WDR37: variants seen among roughly 807,000 people sequenced by gnomAD.
WDR37 encodes the protein WD repeat-containing protein 37.
In WDR37, 19 loss-of-function variants were observed where a neutral mutation model predicts 62.9. The ratio of observed to expected loss-of-function variants is 0.30; its 90% CI spans 0.21 to 0.44. WDR37 has a LOEUF of 0.44. Among genes scored for constraint, WDR37 ranks in the 20% least tolerant of loss-of-function variants. The pLI, the probability that WDR37 is intolerant of heterozygous loss-of-function variation, is 1.00. For missense variants in WDR37, 474 were observed against 657.6 expected, an observed-to-expected ratio of 0.72 and a Z score of 3.05; for synonymous variants, 250 against 260.9, an observed-to-expected ratio of 0.96 and a Z score of 0.40.
intron 1 of WDR37, among the ~76,000 whole-genome samples, chr10:1,062,720 C>A (rs953061520): frequency 6.6e-6 from 1 of 152,174 alleles, no homozygotes; most frequent in Non-Finnish European, 1.5e-5. Context: ...TTTCTGCTTG[C>A]GGAAAGATGG....
intron 12 of WDR37, 82 bp from the exon 13 acceptor site, chr10:1,124,828 C>T (rs1835691637): frequency 6.5e-7 from 1 of 1,530,244 alleles, no homozygotes; most frequent in Admixed American, 1.9e-5. Flanking sequence ...TAATATGGAA[C>T]CTCCTGCTTC....
At chr10:1,095,136 T>G in intron 8 of WDR37, among the ~76,000 whole-genome samples, 1 of 137,448 alleles carries the variant, frequency 7.3e-6, no homozygotes, top group African/African-American at 2.8e-5. Flanking sequence ...GAGAGGAGGG[T>G]TAGACTGGGA....
intron 11 of WDR37, among the ~76,000 whole-genome samples, chr10:1,108,742 C>A (rs1044063357): frequency 7.6e-6 from 1 of 131,738 alleles, no homozygotes; most frequent in African/African-American, 3.0e-5. Context: ...CTGTGATGCC[C>A]CCCCCCCCCG....
At chr10:1,068,157 G>A (rs1833610560) in intron 1 of WDR37, among the ~76,000 whole-genome samples, 1 of 152,116 alleles carries the variant, frequency 6.6e-6, no homozygotes, top group South Asian at 2.1e-4. Flanking sequence ...TTCAGTGTTT[G>A]ACAGCAGAGT....
chr10:1,085,905 G>C (rs945647983), intron 6 of WDR37, among the ~76,000 whole-genome samples: 1 of 152,204 alleles, frequency 6.6e-6, no homozygotes, highest in Non-Finnish European at 1.5e-5. Context: ...AGTTGTAACT[G>C]GATTTGGATG....
intron 12 of WDR37, 116 bp from the exon 13 acceptor site, chr10:1,124,794 A>G: frequency 7.5e-7 from 1 of 1,331,710 alleles, no homozygotes; most frequent in Non-Finnish European, 1.0e-6. Flanking sequence ...CAGTGTGTTC[A>G]TGTAGTCGGC....
intron 7 of WDR37, among the ~76,000 whole-genome samples, chr10:1,089,930 C>G (rs796886073): frequency 4.2e-4 from 64 of 152,300 alleles, no homozygotes; most frequent in African/African-American, 1.5e-3. Flanking sequence ...TGTCTCTCCT[C>G]TTCCTCCTGG....
chr10:1,077,092 G>A (rs1833901875), intron 2 of WDR37, among the ~76,000 whole-genome samples: 1 of 152,176 alleles, frequency 6.6e-6, no homozygotes, highest in African/African-American at 2.4e-5. Context: ...TTGGGAGTAG[G>A]GGACACATAC....
At chr10:1,075,515 G>A (rs1833854545) in intron 2 of WDR37, among the ~76,000 whole-genome samples, 1 of 138,830 alleles carries the variant, frequency 7.2e-6, no homozygotes. Context: ...ATATTAATAT[G>A]CACTTAATAT....
chr10:1,097,021 C>G (rs889437189), intron 9 of WDR37, among the ~76,000 whole-genome samples: 7 of 152,182 alleles, frequency 4.6e-5, no homozygotes, highest in African/African-American at 1.7e-4. Context: ...GAAAGTGATC[C>G]TCATTACAAA....
chr10:1,085,913 A>G (rs1834185994), intron 6 of WDR37, among the ~76,000 whole-genome samples: 1 of 152,200 alleles, frequency 6.6e-6, no homozygotes, highest in Non-Finnish European at 1.5e-5. Flanking sequence ...CTGGATTTGG[A>G]TGCTGTTTGA....
intron 7 of WDR37, among the ~76,000 whole-genome samples, chr10:1,089,663 A>G (rs749845248): frequency 1.1e-3 from 33 of 29,960 alleles, no homozygotes; most frequent in African/African-American, 2.2e-3. Flanking sequence ...GCTCACCCGC[A>G]GTTCGGCCTT....
At chr10:1,081,860 T>C (rs1589089828) in intron 5 of WDR37, among the ~76,000 whole-genome samples, 1 of 152,194 alleles carries the variant, frequency 6.6e-6, no homozygotes, top group East Asian at 1.9e-4. Flanking sequence ...AACTTTCTCA[T>C]TATTACTGAA....
intron 12 of WDR37, 136 bp downstream of exon 12, chr10:1,124,488 C>T (rs1835678106): frequency 1.6e-6 from 2 of 1,257,538 alleles, no homozygotes; most frequent in East Asian, 2.4e-5. Flanking sequence ...TCCTCTAATG[C>T]AGTTTCAGTA....
intron 11 of WDR37, among the ~76,000 whole-genome samples, chr10:1,122,112 C>T (rs767574914): frequency 5.9e-5 from 9 of 152,104 alleles, no homozygotes; most frequent in East Asian, 3.9e-4. Context: ...TCCCATGTCA[C>T]GGTACAGCTT....
chr10:1,096,404 C>G, intron 9 of WDR37, 158 bp downstream of exon 9: 2 of 737,022 alleles, frequency 2.7e-6, no homozygotes, highest in Non-Finnish European at 2.3e-6. Flanking sequence ...GATTGGGCCT[C>G]TAAGGTAGTA....
chr10:1,066,395 C>T (rs935193696), intron 1 of WDR37, among the ~76,000 whole-genome samples: 9 of 152,296 alleles, frequency 5.9e-5, no homozygotes, highest in South Asian at 2.1e-4. Flanking sequence ...GGATTATAGG[C>T]GTGAGCCACC....
chr10:1,092,886 A>C (rs918872528), intron 7 of WDR37, among the ~76,000 whole-genome samples: 7 of 150,424 alleles, frequency 4.7e-5, no homozygotes, highest in Non-Finnish European at 8.9e-5. Flanking sequence ...AAAAAAAAAA[A>C]AAAAAAAAAA....
At chr10:1,094,220 C>T (rs976437965) in intron 8 of WDR37, among the ~76,000 whole-genome samples, 1 of 152,218 alleles carries the variant, frequency 6.6e-6, no homozygotes, top group African/African-American at 2.4e-5. Flanking sequence ...CTGAGTTCTG[C>T]TCTTGCAGCC....
Sources: gnomAD v4.1 joint callset for allele counts (sites outside exome capture counted in the v4.1 genomes callset) on GRCh38, gnomAD v4.1.1 for gene constraint, MANE v1.5 for transcripts, NCBI Gene and HGNC (gene_info 2026-07-23, HGNC 2026-07-21) for gene names.